COL17A1: variants seen among roughly 807,000 people sequenced by gnomAD.
COL17A1 encodes collagen type XVII alpha 1 chain.
Under a neutral mutation model 218.4 loss-of-function variants are expected in COL17A1, and 181 were observed. The observed-to-expected ratio is 0.83, with a 90% confidence interval of 0.73 to 0.94. The LOEUF is 0.94. Ranked by LOEUF, COL17A1 falls within the 40% of genes least tolerant of loss-of-function variation. The pLI is 0.00. For missense variants in COL17A1, 1,924 were observed against 1,945.9 expected (o/e 0.99, Z 0.21); for synonymous variants, 721 against 731.0 (o/e 0.99, Z 0.22).
At position 104,064,453 on chromosome 10, in the gene COL17A1, A is replaced by T. The variant is rs1448361832; in HGVS notation, c.751T>A (p.Tyr251Asn). The change falls in exon 10 of 56, where the codon TAC becomes AAC. Residue 251 changes from tyrosine to asparagine, a missense_variant. Transcript: ENST00000648076. ...QSSSLLNTNA[Y>N]SAGSVFGVPN... Reference sequence around the variant, plus strand: ...CGCCAGGTACCTGATCCCGCAGAGTAGGCATTGGTGTTGAGGAGGGATGAG... The same window carrying T: ...CGCCAGGTACCTGATCCCGCAGAGTTGGCATTGGTGTTGAGGAGGGATGAG... The T allele has an allele frequency of 1.2e-6, 2 of 1,614,020 alleles. No homozygotes were observed. The highest frequency in any genetic ancestry group is 1.7e-6 in the Non-Finnish European group (2 of 1,180,024).
At chr10:104,059,793 C>A in intron 14 of COL17A1, 75 bp from the exon 15 acceptor site, 1 of 1,461,444 alleles carries the variant, frequency 6.8e-7, no homozygotes, top group Non-Finnish European at 9.6e-7. Flanking sequence ...TCCCCCCGCC[C>A]TTGCCCACTA....
Position 104,063,823 on chromosome 10 carries a change from A to G in COL17A1, c.767-5T>C. ...TGTTGTTTGGAACTCCGAAGACTGC[A>G]GGGGCAAGGAGGAAGGCTGGTGAGA... On this transcript the variant is annotated splice_region_variant and splice_polypyrimidine_tract_variant and intron_variant, in intron 10 of 55. Transcript: ENST00000648076. The G allele has an allele frequency of 6.2e-7, 1 of 1,614,152 alleles. No homozygotes were observed. Among genetic ancestry groups the G allele is most frequent in the South Asian group, 1.1e-5 (1 of 91,076 alleles).
At chr10:104,080,246 G>A (rs756922555) in intron 2 of COL17A1, among the ~76,000 whole-genome samples, 8 of 152,120 alleles carry the variant, frequency 5.3e-5, no homozygotes, top group South Asian at 2.1e-4. Context: ...AATTTTCAGC[G>A]TAGAGGTCAA....
At chr10:104,051,552 G>A (rs2086470196) in intron 24 of COL17A1, 36 bp from the exon 25 acceptor site, 1 of 1,613,564 alleles carries the variant, frequency 6.2e-7, no homozygotes, top group Non-Finnish European at 8.5e-7. Context: ...CAGCAGAGGG[G>A]CAGATACAGG....
chr10:104,042,515 T>C (rs1187239119), intron 35 of COL17A1, 60 bp from the exon 36 acceptor site: 2 of 1,543,762 alleles, frequency 1.3e-6, no homozygotes, highest in African/African-American at 1.4e-5. Flanking sequence ...TAGGAAGAAC[T>C]AAAGGCATAA....
intron 1 of COL17A1, among the ~76,000 whole-genome samples, chr10:104,082,610 C>T (rs1030645228): frequency 6.6e-6 from 1 of 152,142 alleles, no homozygotes; most frequent in Non-Finnish European, 1.5e-5. Context: ...CAAGTTATTG[C>T]TTACTTTGAT....
Position 104,053,122 on chromosome 10 carries a change from C to T in COL17A1, c.1848G>A (p.Met616Ile), listed in dbSNP as rs770302645. ...GCCCTCTCTGGCCCATGGGGCCTTC[C>T]ATGCCAGGATCTCCTAAAGACAGGG... ...GQKGSVGDPG[M>I]EGPMGQRGRE... Residue 616 changes from methionine to isoleucine, a missense_variant, in exon 23 of 56, where the codon ATG becomes ATA. Physicochemically the swap from Met to Ile is conservative, Grantham distance 10. Coordinates refer to ENST00000648076, the MANE Select transcript of COL17A1 (RefSeq NM_000494.4). 2 of 1,613,398 alleles carry T rather than the reference C, an allele frequency of 1.2e-6. No individual in the cohort carries two copies. Among genetic ancestry groups the T allele is most frequent in the South Asian group, 1.1e-5 (1 of 91,080 alleles).
chr10:104,054,049 G>T (rs1309005469), intron 21 of COL17A1, 43 bp downstream of exon 21: 1 of 1,613,666 alleles, frequency 6.2e-7, no homozygotes. Flanking sequence ...GGATTGAGCA[G>T]CTGCAACACT....
intron 18 of COL17A1, 82 bp from the exon 19 acceptor site, chr10:104,055,483 A>T: frequency 7.2e-7 from 1 of 1,389,176 alleles, no homozygotes. Flanking sequence ...CACACACACA[A>T]TAAGGGGATC....
rs2086608752 is a variant in COL17A1, at chr10:104,064,427, C to T, written c.766+11G>A. 3.1e-6 allele frequency: 5 copies of T among 1,613,966 alleles called. No homozygotes were observed. The highest frequency in any genetic ancestry group is 4.2e-6 in the Non-Finnish European group (5 of 1,180,004). On this transcript the variant is annotated intron_variant, in intron 10 of 55. Coordinates refer to ENST00000648076, the MANE Select transcript of COL17A1 (RefSeq NM_000494.4). The stretch of plus-strand genomic sequence containing the variant: ...AGGGGTGAGAGAGGGTGTGGGCTGC[C>T]CGCCAGGTACCTGATCCCGCAGAGT...
intron 34 of COL17A1, 62 bp from the exon 35 acceptor site, chr10:104,043,643 C>T (rs2086382625): frequency 6.3e-7 from 1 of 1,587,984 alleles, no homozygotes; most frequent in Non-Finnish European, 8.6e-7. Flanking sequence ...GCGCTGGGAC[C>T]CAAGCCAGGT....
At chr10:104,080,194 T>G (rs555416255) in intron 2 of COL17A1, among the ~76,000 whole-genome samples, 1 of 152,330 alleles carries the variant, frequency 6.6e-6, no homozygotes, top group Admixed American at 6.5e-5. Flanking sequence ...GTTTCTGAAT[T>G]TATTATTTGG....
At position 104,049,913 on chromosome 10, in the gene COL17A1, T is replaced by C. The variant is rs10883963; in HGVS notation, c.2164+176A>G. 0.16 allele frequency among the ~76,000 whole-genome samples: 23,650 copies of C among 152,262 alleles called. 2,124 individuals are homozygous for C. The highest frequency in any genetic ancestry group is 0.21 in the South Asian group (1,026 of 4,826). On this transcript the variant is annotated intron_variant, in intron 28 of 55. Coordinates refer to ENST00000648076, the MANE Select transcript of COL17A1 (RefSeq NM_000494.4). ...TGTTTGGACTATACATCTGGATACC[T>C]CCTTATCCTCCACTCCAGGCTTTAT...
intron 7 of COL17A1, among the ~76,000 whole-genome samples, 172 bp downstream of exon 7, chr10:104,073,038 C>T (rs549091563): frequency 5.3e-5 from 8 of 152,266 alleles, no homozygotes; most frequent in African/African-American, 1.2e-4. Context: ...CTTCCCCTCC[C>T]GATAGAGCCG....
At chr10:104,055,705 A>G in intron 18 of COL17A1, 77 bp downstream of exon 18, 4 of 1,575,292 alleles carry the variant, frequency 2.5e-6, no homozygotes, top group Non-Finnish European at 3.5e-6. Flanking sequence ...TGCTCACAGC[A>G]CATGCACACA....
At chr10:104,036,175 T>C (rs1564671505) in intron 48 of COL17A1, among the ~76,000 whole-genome samples, 12 of 41,172 alleles carry the variant, frequency 2.9e-4, no homozygotes, top group Non-Finnish European at 4.6e-4. Flanking sequence ...TGGGTGTGTG[T>C]GTATGGAAGT....
intron 29 of COL17A1, among the ~76,000 whole-genome samples, chr10:104,049,147 G>A (rs1334354074): frequency 6.6e-6 from 1 of 152,116 alleles, no homozygotes; most frequent in Admixed American, 6.5e-5. Flanking sequence ...AGGGGAGTGG[G>A]GAGCTCACAG....
rs750635070 is a variant in COL17A1 at position 104,039,104 on chromosome 10, C to T, written c.2914G>A (p.Gly972Arg). 3.5e-5 allele frequency: 56 copies of T among 1,614,068 alleles called. No individual in the cohort carries two copies. Among genetic ancestry groups the T allele is most frequent in the Non-Finnish European group, 4.6e-5 (54 of 1,180,012 alleles). The change falls in exon 44 of 56, where the codon GGG (glycine) becomes AGG (arginine). Residue 972 changes from glycine (G) to arginine (R), a missense_variant. Physicochemically the swap from Gly to Arg is moderately radical, Grantham distance 125. Transcript: ENST00000648076. ...KGDKGDPGVPGALGIPSGPSE... is the reference protein window; with the variant it reads ...KGDKGDPGVPRALGIPSGPSE... ...GGACCACTAGGAATGCCAAGAGCCC[C>T]TGGAACACCTGGATCACCTGGAATC...
In COL17A1 at chr10:104,047,797, A is replaced by G; in HGVS notation, c.2277T>C (p.Leu759=). The G allele has an allele frequency of 6.2e-7, 1 of 1,614,148 alleles. No individual in the cohort carries two copies. Among genetic ancestry groups the G allele is most frequent in the Non-Finnish European group, 8.5e-7 (1 of 1,179,988 alleles). ...GGCCACGGATTCCAGGCATCCCAGT[A>G]AGACCTTGTTCACCTAGAGAGAGAA... The part of the protein sequence containing the change: ...GHQGPRGEQG[L]TGMPGIRGPP... Residue 759 remains leucine (L), a synonymous_variant, in exon 31 of 56, where the codon CTT becomes CTC. Coordinates refer to ENST00000648076, the MANE Select transcript of COL17A1 (RefSeq NM_000494.4).
Sources: allele counts gnomAD v4.1 joint callset (sites outside exome capture counted in the v4.1 genomes callset), GRCh38; gene constraint gnomAD v4.1.1; transcripts MANE v1.5; gene names NCBI Gene and HGNC (gene_info 2026-07-23, HGNC 2026-07-21).